Variants in PPHLN1 observed in about 807,000 individuals in gnomAD.
PPHLN1 encodes the protein periphilin 1.
PPHLN1 carries 29 observed loss-of-function variants against 51.3 expected under a neutral mutation model. That is an observed-to-expected ratio of 0.57 (90% CI 0.42 to 0.77). The LOEUF (loss-of-function observed/expected upper bound fraction) is 0.77. PPHLN1 is among the 30% of genes least tolerant of loss of function. The pLI, the probability that PPHLN1 is intolerant of heterozygous loss-of-function variation, is 0.00. For missense variants in PPHLN1, 436 were observed against 438.4 expected (o/e 0.99, Z 0.05); for synonymous variants, 147 against 147.8 (o/e 0.99, Z 0.04).
At chr12:42,445,497 C>A, downstream of PPHLN1, 1 of 202,224 alleles carries the variant, frequency 4.9e-6, no homozygotes, top group South Asian at 1.0e-4. Flanking sequence ...CTATTCTCAC[C>A]TAATTAGCGC....
chr12:42,363,318 T>A (rs2074908708), intron 4 of PPHLN1, among the ~76,000 whole-genome samples: 1 of 137,690 alleles, frequency 7.3e-6, no homozygotes, highest in Admixed American at 8.0e-5. Flanking sequence ...TTTTTAAAAT[T>A]AATTAATTAA....
At chr12:42,360,777 G>A (rs571762589) in intron 4 of PPHLN1, among the ~76,000 whole-genome samples, 1 of 152,182 alleles carries the variant, frequency 6.6e-6, no homozygotes, top group Admixed American at 6.5e-5. Flanking sequence ...ACAGGCATGA[G>A]CCACCGCGCC....
At chr12:42,399,483 TG>T in intron 9 of PPHLN1, 1 of 890,416 alleles carries the variant, frequency 1.1e-6, no homozygotes, top group Non-Finnish European at 1.3e-6. Context: ...GCAACTATTA[TG>T]GGGTTATTTT....
intron 9 of PPHLN1, among the ~76,000 whole-genome samples, chr12:42,416,540 T>G (rs960145126): frequency 4.6e-5 from 7 of 152,098 alleles, no homozygotes; most frequent in Non-Finnish European, 8.8e-5. Flanking sequence ...AAATCCAGGG[T>G]TTTCCATGAC....
chr12:42,383,580 A>G (rs1293810358), intron 5 of PPHLN1, among the ~76,000 whole-genome samples: 1 of 152,216 alleles, frequency 6.6e-6, no homozygotes, highest in Non-Finnish European at 1.5e-5. Context: ...CAGTTGCTAT[A>G]GGTGAACTAA....
intron 9 of PPHLN1, among the ~76,000 whole-genome samples, chr12:42,426,484 CTTTAATCT>C (rs2081510007): frequency 6.6e-6 from 1 of 152,040 alleles, no homozygotes; most frequent in Non-Finnish European, 1.5e-5. Flanking sequence ...CAGTTAACTC[CTTTAATCT>C]CTCTGCTTCA....
At chr12:42,327,755 A>G (rs958523089) in intron 1 of PPHLN1, among the ~76,000 whole-genome samples, 3 of 152,184 alleles carry the variant, frequency 2.0e-5, no homozygotes, top group Non-Finnish European at 2.9e-5. Flanking sequence ...CCAGTAGCTA[A>G]TACAGTTCTT....
downstream of PPHLN1, chr12:42,446,385 T>C: frequency 1.4e-6 from 2 of 1,470,540 alleles, no homozygotes; most frequent in South Asian, 2.8e-5. Context: ...TTCAGCCCTA[T>C]TCCCTTCCCA....
chr12:42,393,719 C>A lies in PPHLN1; in HGVS notation c.768+30C>A, dbSNP rs778249593. 1.9e-5 allele frequency: 29 copies of A among 1,546,182 alleles called. No homozygotes were observed. In the South Asian group the frequency reaches 3.2e-4, roughly 17 times the overall value. On this transcript the variant is annotated intron_variant, in intron 8 of 9. Transcript: ENST00000358314. ...GGCATAATGTCTCCTTTATGTTTCA[C>A]ATCTGAAAGTTTTGTCTGGATTTTA...
downstream of PPHLN1, chr12:42,443,326 C>T (rs1051294233): frequency 6.6e-6 from 1 of 152,376 alleles, no homozygotes; most frequent in Non-Finnish European, 1.5e-5. Flanking sequence ...ATTGACAAGG[C>T]AATCAAGTAT....
chr12:42,446,107 G>T, downstream of PPHLN1: 1 of 1,555,610 alleles, frequency 6.4e-7, no homozygotes, highest in Non-Finnish European at 8.7e-7. Flanking sequence ...TGCAGCCCCG[G>T]AAGAAACGGG....
intron 7 of PPHLN1, among the ~76,000 whole-genome samples, chr12:42,388,292 C>G (rs185373760): frequency 3.3e-5 from 5 of 152,156 alleles, no homozygotes; most frequent in African/African-American, 1.2e-4. Flanking sequence ...GAAAAACCAC[C>G]CTATGGCAGG....
chr12:42,378,594 A>T (rs969078019), intron 5 of PPHLN1, among the ~76,000 whole-genome samples: 52 of 98,562 alleles, frequency 5.3e-4, no homozygotes, highest in African/African-American at 2.4e-3. Flanking sequence ...GCCCTCATTA[A>T]AAAAAATTAA....
intron 9 of PPHLN1, chr12:42,431,621 T>A: frequency 1.3e-6 from 1 of 773,390 alleles, no homozygotes; most frequent in South Asian, 1.6e-5. Flanking sequence ...CAAGCACTGT[T>A]GTAAATGTAA....
chr12:42,383,836 T>A (rs1204990341), intron 5 of PPHLN1, among the ~76,000 whole-genome samples: 1 of 151,444 alleles, frequency 6.6e-6, no homozygotes. Flanking sequence ...AAAAAAAAAT[T>A]AGCCAGGTGT....
downstream of PPHLN1, chr12:42,446,603 A>G (rs780177618): frequency 2.9e-5 from 46 of 1,613,460 alleles, no homozygotes; most frequent in Non-Finnish European, 3.8e-5. Context: ...ATGTAAAGCC[A>G]GAAAACAAGC....
chr12:42,331,645 A>G (rs1288482817), intron 1 of PPHLN1: 6 of 152,248 alleles, frequency 3.9e-5, no homozygotes, highest in Admixed American at 2.6e-4. Context: ...TTTATAATCC[A>G]TAACCAGTTA....
intron 9 of PPHLN1, chr12:42,399,216 T>A: frequency 2.6e-6 from 3 of 1,154,808 alleles, no homozygotes; most frequent in Non-Finnish European, 3.3e-6. Context: ...GACTTCTTTT[T>A]TACAGAATAT....
At chr12:42,446,153 G>A (rs2083310365), downstream of PPHLN1, 2 of 1,599,826 alleles carry the variant, frequency 1.3e-6, no homozygotes, top group Non-Finnish European at 8.5e-7. Flanking sequence ...GACGACAGGA[G>A]CCCCAGACAT....
Sources: allele counts gnomAD v4.1 joint callset (sites outside exome capture counted in the v4.1 genomes callset), GRCh38; gene constraint gnomAD v4.1.1; transcripts MANE v1.5; gene names NCBI Gene and HGNC (gene_info 2026-07-23, HGNC 2026-07-21).